The following FAM117A variants were observed in gnomAD, a reference collection of about 807,000 sequenced individuals.
FAM117A encodes the protein protein FAM117A.
A neutral mutation model predicts 44.1 loss-of-function variants in FAM117A; 21 were observed. The observed-to-expected ratio is 0.48, with a 90% CI of 0.34 to 0.69. FAM117A has a LOEUF of 0.69. FAM117A is among the 30% of genes least tolerant of loss of function. The probability of loss-of-function intolerance (pLI) is 0.01; values close to 1 mark genes in which losing one functional copy is unlikely to be tolerated. For synonymous variants in FAM117A, 220 were observed against 238.3 expected, an observed-to-expected ratio of 0.92 and a Z score of 0.71; for missense variants, 498 against 589.9, an observed-to-expected ratio of 0.84 and a Z score of 1.61.
chr17:49,718,207 G>A (rs1352286762), intron 5 of FAM117A, among the ~76,000 whole-genome samples: 1 of 152,236 alleles, frequency 6.6e-6, no homozygotes, highest in African/African-American at 2.4e-5. Flanking sequence ...ACTTGAACCT[G>A]TAGCTCACCA....
Position 49,719,887 on chromosome 17 carries a change from G to A in FAM117A, c.581C>T (p.Pro194Leu). Residue 194 changes from proline (P) to leucine (L), a missense_variant, in exon 5 of 8, where the codon CCT becomes CTT. Around this residue, in one of 3 missense-constraint regions of FAM117A, gnomAD observed 270 missense variants for 277.4 expected, o/e 0.97. Coordinates refer to ENST00000240364, the MANE Select transcript of FAM117A (RefSeq NM_030802.4). The stretch of plus-strand genomic sequence containing the variant: ...AGGGGACCCTGAGGGGAAGCTGGGA[G>A]GGGACGCCTGAGGAAGAGGCAAATG... ...HAVRGALRAS[P>L]PSFPSGSPVL... The A allele has an allele frequency of 1.2e-6, 2 of 1,602,422 alleles. No individual in the cohort carries two copies. Among genetic ancestry groups the A allele is most frequent in the Non-Finnish European group, 1.7e-6 (2 of 1,177,010 alleles).
At chr17:49,716,623 A>G (rs995907007) in intron 6 of FAM117A, among the ~76,000 whole-genome samples, 2 of 152,160 alleles carry the variant, frequency 1.3e-5, no homozygotes, top group African/African-American at 4.8e-5. Flanking sequence ...AAGGAATACT[A>G]ACTGTGTCTC....
chr17:49,722,871 T>C lies in FAM117A; in HGVS notation c.367-277A>G, dbSNP rs184928675. 1.6e-3 allele frequency among the ~76,000 whole-genome samples: 237 copies of C among 152,268 alleles called. 1 individual carries two copies. Among genetic ancestry groups the C allele is most frequent in the African/African-American group, 5.6e-3 (234 of 41,536 alleles). ...CTATACATATATGATATCCCAGTTA[T>C]TCCAGCTGATCCTCAGTGGTGAGGA... On this transcript the variant is annotated intron_variant, in intron 2 of 7. Coordinates refer to ENST00000240364, the MANE Select transcript of FAM117A (RefSeq NM_030802.4).
intron 1 of FAM117A, chr17:49,788,439 G>T: frequency 4.6e-6 from 1 of 216,492 alleles, no homozygotes; most frequent in Non-Finnish European, 9.2e-6. Flanking sequence ...TACATCAACT[G>T]TCAGGCTTCT....
intron 1 of FAM117A, among the ~76,000 whole-genome samples, chr17:49,743,029 T>C (rs770579856): frequency 6.6e-6 from 1 of 152,130 alleles, no homozygotes; most frequent in African/African-American, 2.4e-5. Context: ...TGTAGACAGG[T>C]GAACTGATTT....
chr17:49,735,181 T>TA (rs2073605207), intron 1 of FAM117A, among the ~76,000 whole-genome samples: 1 of 151,656 alleles, frequency 6.6e-6, no homozygotes, highest in Non-Finnish European at 1.5e-5. Flanking sequence ...TTTACTACAA[T>TA]AAAAAAAAGG....
intron 1 of FAM117A, among the ~76,000 whole-genome samples, chr17:49,760,379 A>T (rs1324080384): frequency 6.6e-6 from 1 of 152,230 alleles, no homozygotes; most frequent in Non-Finnish European, 1.5e-5. Flanking sequence ...TAAATATTTT[A>T]GGCTTTGTGA....
chr17:49,728,655 C>T (rs895369024), intron 2 of FAM117A, among the ~76,000 whole-genome samples: 19 of 152,108 alleles, frequency 1.2e-4, no homozygotes, highest in African/African-American at 4.1e-4. Context: ...GAAAAATACA[C>T]GAAGACTCAA....
chr17:49,752,976 C>T lies in FAM117A; in HGVS notation c.196+10916G>A, dbSNP rs2073683345. Reference sequence around the variant, plus strand: ...CCTCTGGACTCAAGTGATTCCCCTACCTTAGCCTTCCGAGTAGCTGGGACT... The same window carrying T: ...CCTCTGGACTCAAGTGATTCCCCTATCTTAGCCTTCCGAGTAGCTGGGACT... On this transcript the variant is annotated intron_variant, in intron 1 of 7. Coordinates refer to ENST00000240364, the MANE Select transcript of FAM117A (RefSeq NM_030802.4). 2.0e-5 allele frequency among the ~76,000 whole-genome samples: 3 copies of T among 151,944 alleles called. No homozygotes were observed. In the South Asian group the frequency reaches 6.2e-4, roughly 32 times the overall value.
chr17:49,775,148 C>T (rs934184096), intron 1 of FAM117A, among the ~76,000 whole-genome samples: 8 of 152,076 alleles, frequency 5.3e-5, no homozygotes, highest in Admixed American at 3.3e-4. Context: ...CCACCATGCC[C>T]GGCTAATTTT....
chr17:49,724,693 C>G (rs930495760), intron 2 of FAM117A, among the ~76,000 whole-genome samples: 1 of 151,534 alleles, frequency 6.6e-6, no homozygotes, highest in Non-Finnish European at 1.5e-5. Flanking sequence ...ATTAACTGGG[C>G]GCCTGTAATC....
chr17:49,764,351 G>A (rs973280837), upstream of FAM117A, among the ~76,000 whole-genome samples: 1 of 152,110 alleles, frequency 6.6e-6, no homozygotes, highest in Non-Finnish European at 1.5e-5. Flanking sequence ...AACATCCCAG[G>A]GGCTGCTGAT....
chr17:49,787,523 G>C (rs1357228188), intron 1 of FAM117A, among the ~76,000 whole-genome samples: 1 of 152,194 alleles, frequency 6.6e-6, no homozygotes. Flanking sequence ...TTTACCTTCT[G>C]CTTCTTTGTT....
chr17:49,762,946 GA>G (rs1223732610), intron 1 of FAM117A, among the ~76,000 whole-genome samples: 1 of 152,084 alleles, frequency 6.6e-6, no homozygotes, highest in Non-Finnish European at 1.5e-5. Context: ...CTGTTATTAA[GA>G]ACCCATTTCA....
chr17:49,731,879 A>G (rs1030644366), intron 2 of FAM117A, among the ~76,000 whole-genome samples: 1 of 152,068 alleles, frequency 6.6e-6, no homozygotes, highest in Admixed American at 6.6e-5. Flanking sequence ...TCTCCCTCCA[A>G]GGTTCAAGCG....
chr17:49,788,955 C>T (rs770915615), upstream of FAM117A: 97 of 1,086,722 alleles, frequency 8.9e-5, no homozygotes, highest in Admixed American at 1.6e-4. Context: ...CTTTCCGCTC[C>T]CCCGAACCTT....
intron 1 of FAM117A, among the ~76,000 whole-genome samples, chr17:49,759,488 G>C (rs1420582656): frequency 6.6e-6 from 1 of 152,170 alleles, no homozygotes; most frequent in Non-Finnish European, 1.5e-5. Context: ...TCAATCACAG[G>C]TTTTAGAAGG....
At chr17:49,785,890 G>C (rs1158301030) in intron 1 of FAM117A, among the ~76,000 whole-genome samples, 2 of 152,204 alleles carry the variant, frequency 1.3e-5, no homozygotes, top group Non-Finnish European at 2.9e-5. Context: ...GAGAACTGTC[G>C]AGAGTGTCAA....
At chr17:49,764,754 T>C (rs2073739933), upstream of FAM117A, among the ~76,000 whole-genome samples, 2 of 152,250 alleles carry the variant, frequency 1.3e-5, no homozygotes, top group Admixed American at 1.3e-4. Flanking sequence ...ATTTGCATTA[T>C]ATTTGTGTAT....
Sources: allele counts gnomAD v4.1 joint callset (sites outside exome capture counted in the v4.1 genomes callset), GRCh38; gene constraint gnomAD v4.1.1; regional missense constraint gnomAD v4.1.1; transcripts MANE v1.5; gene names NCBI Gene and HGNC (gene_info 2026-07-23, HGNC 2026-07-21).